SLC9A1: variants seen among roughly 807,000 people sequenced by gnomAD.
The protein encoded by SLC9A1 is sodium/hydrogen exchanger 1.
Under a neutral mutation model 67.9 loss-of-function variants are expected in SLC9A1, and 22 were observed. The ratio of observed to expected loss-of-function variants is 0.32; its 90% CI spans 0.23 to 0.46. The LOEUF (loss-of-function observed/expected upper bound fraction) is 0.46, where lower values mean the gene tolerates loss of function less well. SLC9A1 is among the 20% of genes least tolerant of loss of function. SLC9A1 has a pLI of 1.00. For missense variants in SLC9A1, 686 were observed against 1,094.8 expected (o/e 0.63, Z 5.27); for synonymous variants, 421 against 471.8 (o/e 0.89, Z 1.40).
At position 27,137,960 on chromosome 1, in the gene SLC9A1, C is replaced by G. The variant is rs919417365; in HGVS notation, c.352+16023G>C. On this transcript the variant is annotated intron_variant, in intron 1 of 11. Transcript: ENST00000263980. This position sits in a 1 kb window ranked among gnomAD's most constrained non-coding sequence, Gnocchi z 4.6. ...TGCTGGCTTGGCCAGTGGTGCCTGTCGGGAAGCTTTACTCTGTTGCCCTCA... is the reference window on the plus strand; with the variant it reads ...TGCTGGCTTGGCCAGTGGTGCCTGTGGGGAAGCTTTACTCTGTTGCCCTCA... 1.3e-5 allele frequency among the ~76,000 whole-genome samples: 2 copies of G among 152,226 alleles called. No individual in the cohort carries two copies. Among genetic ancestry groups the G allele is most frequent in the South Asian group, 4.1e-4 (2 of 4,836 alleles).
chr1:27,133,327 C>G (rs2083398390), intron 1 of SLC9A1, among the ~76,000 whole-genome samples: 1 of 152,172 alleles, frequency 6.6e-6, no homozygotes, highest in African/African-American at 2.4e-5. Context: ...TGCTTGGCCT[C>G]CCAAAGTGCT....
chr1:27,123,923 T>G (rs1570866344), intron 1 of SLC9A1, among the ~76,000 whole-genome samples: 1 of 151,662 alleles, frequency 6.6e-6, no homozygotes, highest in African/African-American at 2.4e-5. Flanking sequence ...GCCTCCCGGG[T>G]TCAAGCGATT....
chr1:27,108,728 T>A (rs2083207339), intron 3 of SLC9A1, among the ~76,000 whole-genome samples: 1 of 152,140 alleles, frequency 6.6e-6, no homozygotes, highest in African/African-American at 2.4e-5. Flanking sequence ...CCTGTCACGC[T>A]GCCTGCAGGC....
chr1:27,113,022 C>T (rs191285561), intron 2 of SLC9A1, among the ~76,000 whole-genome samples: 85 of 152,230 alleles, frequency 5.6e-4, no homozygotes, highest in Non-Finnish European at 9.7e-4. Context: ...CCATAATCTC[C>T]GCCCAAAAAC....
Position 27,100,650 on chromosome 1 carries a change from G to T in SLC9A1, c.2111-6C>A. ...CGGCTCATAGGCCAGTGGGTCTGGG[G>T]ACCAAGAGCAAGGCACAAGCTGGGT... On this transcript the variant is annotated splice_region_variant and splice_polypyrimidine_tract_variant and intron_variant, in intron 11 of 11. Transcript: ENST00000263980. This position sits in a 1 kb window ranked among gnomAD's most constrained non-coding sequence, Gnocchi z 5.6. 1 of 1,595,154 alleles carries T rather than the reference G, an allele frequency of 6.3e-7. No individual in the cohort carries two copies. Among genetic ancestry groups the T allele is most frequent in the South Asian group, 1.1e-5 (1 of 88,030 alleles).
chr1:27,120,181 A>C (rs963949120), intron 1 of SLC9A1, among the ~76,000 whole-genome samples: 40 of 151,832 alleles, frequency 2.6e-4, no homozygotes, highest in Non-Finnish European at 5.1e-4. Context: ...CTTGTTGTAC[A>C]GTGGCGCGAT....
At chr1:27,132,917 A>G (rs1379653699) in intron 1 of SLC9A1, among the ~76,000 whole-genome samples, 1 of 152,202 alleles carries the variant, frequency 6.6e-6, no homozygotes, top group Admixed American at 6.5e-5. Flanking sequence ...GGTACCTGGT[A>G]CTGCACTGTG....
rs201971374 is a variant in SLC9A1 at position 27,101,784 on chromosome 1, C to T, written c.1978G>A (p.Glu660Lys). 1 of 1,612,982 alleles carries T rather than the reference C, an allele frequency of 6.2e-7. No homozygotes were observed. The highest frequency in any genetic ancestry group is 8.5e-7 in the Non-Finnish European group (1 of 1,179,936). ...NRHTLVADPYEEAWNQMLLRR... is the reference protein window; with the variant it reads ...NRHTLVADPYKEAWNQMLLRR... ...AGCAGCATCTGGTTCCAGGCTTCCT[C>T]GTAGGGGTCTGCCACCAGCGTGTGT... The change falls in exon 10 of 12, where the codon GAG becomes AAG. Residue 660 changes from glutamate to lysine, a missense_variant. Physicochemically the swap from Glu to Lys is moderately conservative, Grantham distance 56 (BLOSUM62 1). Around this residue, in one of 7 missense-constraint regions of SLC9A1, gnomAD observed 226 missense variants for 282.4 expected, o/e 0.80. Transcript: ENST00000263980. This position sits in a 1 kb window ranked among gnomAD's most constrained non-coding sequence, Gnocchi z 4.9.
intron 1 of SLC9A1, among the ~76,000 whole-genome samples, chr1:27,150,738 A>G (rs2083520863): frequency 6.6e-6 from 1 of 152,102 alleles, no homozygotes; most frequent in Non-Finnish European, 1.5e-5. Context: ...TAGAACCCAG[A>G]AGCAACTATT....
chr1:27,101,868 G>T lies in SLC9A1; in HGVS notation c.1936-42C>A, dbSNP rs777300813. ...GTCAGGGCAGTGCGGGCCCCGGAAG[G>T]CTCTGCTCATGGAGGGGTGGGGGCA... On this transcript the variant is annotated intron_variant, in intron 9 of 11. Transcript: ENST00000263980. This position sits in a 1 kb window ranked among gnomAD's most constrained non-coding sequence, Gnocchi z 4.9. 1.3e-6 allele frequency: 2 copies of T among 1,534,236 alleles called. No individual in the cohort carries two copies. The highest frequency in any genetic ancestry group is 1.1e-5 in the South Asian group (1 of 89,330).
intron 8 of SLC9A1, 121 bp downstream of exon 8, chr1:27,102,264 C>T (rs1353453062): frequency 1.2e-5 from 17 of 1,364,684 alleles, no homozygotes; most frequent in Admixed American, 1.9e-5. Flanking sequence ...TGCGAGCCCA[C>T]AGCTCTCTTG....
intron 2 of SLC9A1, among the ~76,000 whole-genome samples, chr1:27,113,284 C>A (rs183707661): frequency 6.6e-6 from 1 of 152,092 alleles, no homozygotes; most frequent in African/African-American, 2.4e-5. Flanking sequence ...CATGGTCAAA[C>A]CCCATCTCCA....
In SLC9A1 at chr1:27,101,330, C is replaced by T; in HGVS notation, c.2038-55G>A. On this transcript the variant is annotated intron_variant, in intron 10 of 11. Transcript: ENST00000263980. This position sits in a 1 kb window ranked among gnomAD's most constrained non-coding sequence, Gnocchi z 4.9. ...AGGCAGCTGGGCAGAGGGAGCCCCT[C>T]AGGACAGAACCCGGCCAGTGCACAC... 1 of 1,421,260 alleles carries T rather than the reference C, an allele frequency of 7.0e-7. No individual in the cohort carries two copies. The highest frequency in any genetic ancestry group is 1.2e-5 in the South Asian group (1 of 86,700). The allele number at this position is 1,421,260 out of a possible 1,614,324, so 88.0% of individuals were successfully genotyped here. A position where few individuals can be genotyped will look rare whatever the true frequency, so the allele number is the denominator to read the frequency against.
chr1:27,131,439 C>CAAAAAA (rs35954506), intron 1 of SLC9A1, among the ~76,000 whole-genome samples: 3 of 27,490 alleles, frequency 1.1e-4, no homozygotes, highest in Non-Finnish European at 1.8e-4. Context: ...ACTAAAAATA[C>CAAAAAA]AAAAAAAAAA....
At chr1:27,139,751 T>A (rs565953508) in intron 1 of SLC9A1, among the ~76,000 whole-genome samples, 1 of 151,810 alleles carries the variant, frequency 6.6e-6, no homozygotes, top group Admixed American at 6.5e-5. Flanking sequence ...CACATCTCTG[T>A]GCCCTTCTCC....
chr1:27,118,040 C>A lies in SLC9A1; in HGVS notation c.353-3754G>T, dbSNP rs1208017266. 6.6e-6 allele frequency among the ~76,000 whole-genome samples: 1 copy of A among 152,196 alleles called. No individual in the cohort carries two copies. Among genetic ancestry groups the A allele is most frequent in the Non-Finnish European group, 1.5e-5 (1 of 68,028 alleles). On this transcript the variant is annotated intron_variant, in intron 1 of 11. Transcript: ENST00000263980. The surrounding 1 kb of genome is among the most constrained non-coding windows in gnomAD (Gnocchi z 4.3). ...AAAAACGAGCTCTGAGAGGAGGCTG[C>A]ATGCACTCAGCCAGGCCAACCAGGA...
chr1:27,109,477 G>GC lies in SLC9A1; in HGVS notation c.1064+49dup, dbSNP rs775211825. The GC allele has an allele frequency of 4.6e-5, 74 of 1,591,872 alleles. No individual in the cohort carries two copies. The Admixed American group carries it at 1.2e-3, about 27-fold the overall frequency. On this transcript the variant is annotated intron_variant, in intron 3 of 11. Transcript: ENST00000263980. The surrounding 1 kb of genome is among the most constrained non-coding windows in gnomAD (Gnocchi z 5.5). ...CGAGCCTGGGGAATCCAAGCTGGCA[G>GC]CCCCCGCCCCCACCCCGCCAAGCCC... is the stretch of plus-strand genomic sequence containing the variant.
At position 27,131,938 on chromosome 1, in the gene SLC9A1, G is replaced by A. The variant is rs12041426; in HGVS notation, c.353-17652C>T. On this transcript the variant is annotated intron_variant, in intron 1 of 11. Coordinates refer to ENST00000263980, the MANE Select transcript of SLC9A1 (RefSeq NM_003047.5). ...TCCGTCTCAAAAAGAAGAAGAAGAA[G>A]AAAAAAAAAATATATATATATATAT... Among the ~76,000 whole-genome samples the A allele has an allele frequency of 3.3e-3, 114 of 35,022 alleles. 5 individuals are homozygous for A. The highest frequency in any genetic ancestry group is 0.011 in the Admixed American group (25 of 2,360). The allele number at this position is 35,022 out of a possible 152,430, so 23.0% of individuals were successfully genotyped here.
chr1:27,111,019 ACT>A (rs1444832716), intron 2 of SLC9A1, among the ~76,000 whole-genome samples: 1 of 152,096 alleles, frequency 6.6e-6, no homozygotes, highest in Non-Finnish European at 1.5e-5. Context: ...CTCTGGCTTT[ACT>A]CTCTGGGAAA....
Sources: gnomAD v4.1 joint callset for allele counts (sites outside exome capture counted in the v4.1 genomes callset) on GRCh38, gnomAD v4.1.1 for gene constraint, gnomAD v4.1.1 regional missense constraint, Gnocchi (gnomAD v3.1) non-coding constraint, MANE v1.5 for transcripts, NCBI Gene and HGNC (gene_info 2026-07-23, HGNC 2026-07-21) for gene names.